SUCLG2: variants seen among roughly 807,000 people sequenced by gnomAD.
SUCLG2 encodes succinate-CoA ligase GDP-forming subunit beta, also known as succinate--CoA ligase [GDP-forming] subunit beta, mitochondrial.
SUCLG2 carries 42 observed loss-of-function variants against 47.9 expected under a neutral mutation model. That is an observed-to-expected ratio of 0.88 (90% confidence interval 0.69 to 1.14). The LOEUF (loss-of-function observed/expected upper bound fraction) is 1.14. SUCLG2 is among the 50% of genes most tolerant of loss of function. The pLI, the probability that SUCLG2 is intolerant of heterozygous loss-of-function variation, is 0.00. For missense variants in SUCLG2, 571 were observed against 525.9 expected, an observed-to-expected ratio of 1.09 and a Z score of -0.84; for synonymous variants, 195 against 197.3, an observed-to-expected ratio of 0.99 and a Z score of 0.10.
chr3:67,368,603 T>C (rs1240897087), intron 10 of SUCLG2, among the ~76,000 whole-genome samples: 4 of 152,166 alleles, frequency 2.6e-5, no homozygotes, highest in South Asian at 4.1e-4. Context: ...ATTTTATTTA[T>C]TTATTTATTA....
Position 67,492,914 on chromosome 3 carries a change from A to T in SUCLG2, c.1062+2884T>A, listed in dbSNP as rs144644953. On this transcript the variant is annotated intron_variant, in intron 9 of 10. Coordinates refer to ENST00000307227, the MANE Select transcript of SUCLG2 (RefSeq NM_003848.4). ...TGGAAATATATGTCAACCTGTAATA[A>T]TTTTATTGAATGACGTGTTTACTAA... 4.5e-3 allele frequency among the ~76,000 whole-genome samples: 680 copies of T among 152,342 alleles called. 12 individuals carry two copies. The East Asian group carries it at 0.059, about 13-fold the overall frequency.
intron 2 of SUCLG2, among the ~76,000 whole-genome samples, chr3:67,565,803 G>A (rs1031055449): frequency 2.0e-5 from 3 of 152,186 alleles, no homozygotes; most frequent in African/African-American, 7.2e-5. Context: ...CTCCACAATG[G>A]TCTACTAAAT....
At chr3:67,518,440 G>C (rs1706009757) in intron 5 of SUCLG2, 104 bp from the exon 6 acceptor site, 1 of 1,048,642 alleles carries the variant, frequency 9.5e-7, no homozygotes. Context: ...AGTAATTAAA[G>C]TGTGGCATCT....
At chr3:67,387,281 C>A (rs1168018599) in intron 10 of SUCLG2, among the ~76,000 whole-genome samples, 1 of 152,106 alleles carries the variant, frequency 6.6e-6, no homozygotes, top group African/African-American at 2.4e-5. Context: ...TCAATGAGTG[C>A]ATCAGTATTG....
At chr3:67,569,034 C>T (rs547918766) in intron 2 of SUCLG2, among the ~76,000 whole-genome samples, 223 of 152,248 alleles carry the variant, frequency 1.5e-3, no homozygotes, top group Middle Eastern at 3.4e-3. Context: ...TATTTAGGAA[C>T]GATGATTGTA....
intron 9 of SUCLG2, among the ~76,000 whole-genome samples, chr3:67,474,822 C>T (rs1187461001): frequency 6.6e-6 from 1 of 152,044 alleles, no homozygotes; most frequent in African/African-American, 2.4e-5. Context: ...TTAGGGAAGC[C>T]CTATTCCCAG....
At chr3:67,470,224 G>A (rs1034913139) in intron 9 of SUCLG2, among the ~76,000 whole-genome samples, 1 of 152,136 alleles carries the variant, frequency 6.6e-6, no homozygotes, top group Non-Finnish European at 1.5e-5. Flanking sequence ...CAGTTCAAAT[G>A]AGAAACTTAA....
chr3:67,643,424 T>C (rs775930606), intron 1 of SUCLG2, among the ~76,000 whole-genome samples: 1 of 152,336 alleles, frequency 6.6e-6, no homozygotes, highest in East Asian at 1.9e-4. Flanking sequence ...ACCTGAAGTA[T>C]GCTGAACTTA....
chr3:67,630,012 G>A (rs1700899144), intron 1 of SUCLG2, among the ~76,000 whole-genome samples: 1 of 151,832 alleles, frequency 6.6e-6, no homozygotes, highest in Non-Finnish European at 1.5e-5. Flanking sequence ...AAATTATGTG[G>A]TACAGCCAGG....
chr3:67,398,580 A>C (rs1423855077), intron 10 of SUCLG2, among the ~76,000 whole-genome samples: 1 of 152,030 alleles, frequency 6.6e-6, no homozygotes, highest in African/African-American at 2.4e-5. Context: ...GTGGGACTGT[A>C]AACTAGTTCA....
chr3:67,556,861 C>T (rs1484022060), intron 2 of SUCLG2, among the ~76,000 whole-genome samples: 2 of 152,102 alleles, frequency 1.3e-5, no homozygotes, highest in Admixed American at 1.3e-4. Flanking sequence ...ACAATTCTGC[C>T]CTGAGGCAGA....
At chr3:67,367,490 T>C (rs960944210) in intron 10 of SUCLG2, among the ~76,000 whole-genome samples, 3 of 152,224 alleles carry the variant, frequency 2.0e-5, no homozygotes, top group African/African-American at 7.2e-5. Flanking sequence ...TTGGTAATTT[T>C]TGTCTTTATT....
chr3:67,500,781 C>A (rs534103970), intron 7 of SUCLG2, among the ~76,000 whole-genome samples: 2 of 152,288 alleles, frequency 1.3e-5, no homozygotes, highest in African/African-American at 4.8e-5. Flanking sequence ...CTAAGGTTAT[C>A]AAATTGACTT....
intron 2 of SUCLG2, among the ~76,000 whole-genome samples, chr3:67,572,079 CCTTT>C (rs1707627768): frequency 6.6e-6 from 1 of 152,240 alleles, no homozygotes; most frequent in South Asian, 2.1e-4. Flanking sequence ...GCAGCTCCTT[CCTTT>C]ATGATCATCT....
At chr3:67,634,694 A>C (rs2107357800) in intron 1 of SUCLG2, among the ~76,000 whole-genome samples, 1 of 152,234 alleles carries the variant, frequency 6.6e-6, no homozygotes. Context: ...TTGGGCTCTC[A>C]TTAGTATTTC....
At chr3:67,377,630 C>G (rs1328404386) in intron 10 of SUCLG2, among the ~76,000 whole-genome samples, 4 of 152,102 alleles carry the variant, frequency 2.6e-5, no homozygotes, top group African/African-American at 9.7e-5. Flanking sequence ...CTGGAAGTCA[C>G]CTTTTTGGTT....
At chr3:67,436,384 A>AT (rs772527661) in intron 9 of SUCLG2, among the ~76,000 whole-genome samples, 26 of 152,176 alleles carry the variant, frequency 1.7e-4, no homozygotes, top group Non-Finnish European at 2.8e-4. Context: ...CTCAGTCATT[A>AT]TGGAAGGCAT....
intron 9 of SUCLG2, among the ~76,000 whole-genome samples, chr3:67,443,991 G>A (rs867497333): frequency 1.8e-4 from 22 of 119,184 alleles, no homozygotes; most frequent in Middle Eastern, 4.6e-3. Flanking sequence ...CCGGCCAGCC[G>A]CCCCATCCGG....
chr3:67,395,404 C>G (rs928022393), intron 10 of SUCLG2, among the ~76,000 whole-genome samples: 2 of 152,164 alleles, frequency 1.3e-5, no homozygotes, highest in Non-Finnish European at 2.9e-5. Context: ...TTTAAACCAA[C>G]AAAGACCAAA....
Sources: allele counts gnomAD v4.1 joint callset (sites outside exome capture counted in the v4.1 genomes callset), GRCh38; gene constraint gnomAD v4.1.1; transcripts MANE v1.5; gene names NCBI Gene and HGNC (gene_info 2026-07-23, HGNC 2026-07-21).